The following ABCA6 variants were observed in gnomAD, a reference collection of about 807,000 sequenced individuals.
ABCA6 encodes ATP binding cassette subfamily A member 6.
A neutral mutation model predicts 191.2 loss-of-function variants in ABCA6; 164 were observed. The ratio of observed to expected loss-of-function variants is 0.86; its 90% CI spans 0.76 to 0.98. The LOEUF is 0.98. ABCA6 is among the 50% of genes least tolerant of loss of function. The probability of loss-of-function intolerance (pLI) is 0.00; values close to 1 mark genes in which losing one functional copy is unlikely to be tolerated. For synonymous variants in ABCA6, 636 were observed against 647.7 expected (o/e 0.98, Z 0.27); for missense variants, 1,958 against 1,894.1 (o/e 1.03, Z -0.63).
At chr17:69,133,488 C>T (rs1411158325) in intron 6 of ABCA6, among the ~76,000 whole-genome samples, 153 bp downstream of exon 6, 1 of 152,136 alleles carries the variant, frequency 6.6e-6, no homozygotes, top group African/African-American at 2.4e-5. Flanking sequence ...TTTTGCATGG[C>T]AAAATTTAAC....
rs754057303 is a variant in ABCA6 at position 69,087,372 on chromosome 17, G to T, written c.3800C>A (p.Thr1267Asn). ...TTTTACCTCATCTAAGATTGAAGTGGTCAGAGCAGTGGCTGTTCTTATTCT... is the reference window on the plus strand; with the variant it reads ...TTTTACCTCATCTAAGATTGAAGTGTTCAGAGCAGTGGCTGTTCTTATTCT... ...TERIRTATAL[T>N]TSILDEKPVI... is the part of the protein sequence containing the mutation. The change falls in exon 29 of 39, where the codon ACC (threonine) becomes AAC (asparagine). Residue 1267 changes from threonine to asparagine, a missense_variant. By Grantham distance (65) the Thr-to-Asn change is moderately conservative. Coordinates refer to ENST00000284425, the MANE Select transcript of ABCA6 (RefSeq NM_080284.3). The T allele has an allele frequency of 1.2e-6, 2 of 1,613,848 alleles. No individual in the cohort carries two copies. The highest frequency in any genetic ancestry group is 1.7e-6 in the Non-Finnish European group (2 of 1,179,838).
intron 26 of ABCA6, among the ~76,000 whole-genome samples, chr17:69,090,197 G>C (rs2072893858): frequency 6.6e-6 from 1 of 152,142 alleles, no homozygotes; most frequent in African/African-American, 2.4e-5. Flanking sequence ...TTTGCAAATG[G>C]AAGGCTTTTC....
chr17:69,086,751 G>T lies in ABCA6; in HGVS notation c.3820-16C>A. ...TAACAGGTTTCTAGAAGAGATGACA[G>T]CATGATTTTCCTCTTAAATTTCAGA... On this transcript the variant is annotated splice_polypyrimidine_tract_variant and intron_variant, in intron 29 of 38. Coordinates refer to ENST00000284425, the MANE Select transcript of ABCA6 (RefSeq NM_080284.3). 1.3e-6 allele frequency: 2 copies of T among 1,557,864 alleles called. No individual in the cohort carries two copies. Among genetic ancestry groups the T allele is most frequent in the East Asian group, 2.3e-5 (1 of 43,872 alleles).
At chr17:69,134,886 G>GTTTTTTTT (rs1454692425) in intron 4 of ABCA6, 144 bp from the exon 5 acceptor site, 5 of 127,100 alleles carry the variant, frequency 3.9e-5, no homozygotes, top group African/African-American at 2.5e-4. Flanking sequence ...TGTTGTGGTT[G>GTTTTTTTT]TCTTTTTTTT....
Position 69,123,276 on chromosome 17 carries a change from G to A in ABCA6, c.1399C>T (p.Pro467Ser), listed in dbSNP as rs1380094040. The change falls in exon 10 of 39, where the codon CCA (proline) becomes TCA (serine). Residue 467 changes from proline (P) to serine (S), a missense_variant. Transcript: ENST00000284425. The part of the protein sequence containing the change: ...AEHPSDDYFE[P>S]VAPEFQGKEA... ...TTTCCTTGGAATTCAGGAGCTACTG[G>A]TTCAAAATAATCATCAGAGGGATGC... 2.3e-5 allele frequency: 35 copies of A among 1,527,998 alleles called. No individual in the cohort carries two copies. Among genetic ancestry groups the A allele is most frequent in the Non-Finnish European group, 2.7e-5 (31 of 1,128,824 alleles). 94.7% of individuals were successfully genotyped at this position (1,527,998 alleles called of 1,614,324 possible).
Position 69,096,357 on chromosome 17 carries a change from A to G in ABCA6, c.3295-4T>C, listed in dbSNP as rs759285698. ...CATAACCAGGAGTAACTATAACCTG[A>G]GCATAAAAGAAATAATAACATAGTC... On this transcript the variant is annotated splice_polypyrimidine_tract_variant and splice_region_variant and intron_variant, in intron 24 of 38. Transcript: ENST00000284425. The G allele has an allele frequency of 7.2e-7, 1 of 1,384,944 alleles. No individual in the cohort carries two copies. Among genetic ancestry groups the G allele is most frequent in the Non-Finnish European group, 9.8e-7 (1 of 1,023,516 alleles). 85.8% of individuals were successfully genotyped at this position (1,384,944 alleles called of 1,614,324 possible). A position where few individuals can be genotyped will look rare whatever the true frequency, so the allele number is the denominator to read the frequency against.
intron 17 of ABCA6, chr17:69,110,398 T>C (rs1485871296): frequency 5.7e-6 from 1 of 176,368 alleles, no homozygotes; most frequent in Non-Finnish European, 1.2e-5. Context: ...ATGAGAAAGT[T>C]AATGCTCTCG....
intron 25 of ABCA6, among the ~76,000 whole-genome samples, chr17:69,095,686 CA>C (rs1385740225): frequency 6.6e-6 from 1 of 152,170 alleles, no homozygotes; most frequent in Non-Finnish European, 1.5e-5. Context: ...TCCAGACAGA[CA>C]TTCAATCACC....
chr17:69,139,754 A>G (rs1449940031), intron 2 of ABCA6, among the ~76,000 whole-genome samples: 1 of 152,116 alleles, frequency 6.6e-6, no homozygotes, highest in Non-Finnish European at 1.5e-5. Context: ...ACACCATGGA[A>G]TACTATGCAG....
chr17:69,115,363 TC>T lies in ABCA6; in HGVS notation c.1606+12del. ...TAAGACATCTTGCCTTTGAGAAATTTCTTTTTACTCACCTTCTGTTGGAACA... is the reference window on the plus strand; with the variant it reads ...TAAGACATCTTGCCTTTGAGAAATTTTTTTTACTCACCTTCTGTTGGAACA... On this transcript the variant is annotated intron_variant, in intron 12 of 38. Coordinates refer to ENST00000284425, the MANE Select transcript of ABCA6 (RefSeq NM_080284.3). The T allele has an allele frequency of 6.3e-7, 1 of 1,592,014 alleles. No homozygotes were observed. Among genetic ancestry groups the T allele is most frequent in the Non-Finnish European group, 8.6e-7 (1 of 1,166,600 alleles).
Position 69,113,572 on chromosome 17 carries a change from T to G in ABCA6, c.1902+46A>C, listed in dbSNP as rs746818082. 9.3e-6 allele frequency: 15 copies of G among 1,611,562 alleles called. No individual in the cohort carries two copies. In the Admixed American group the frequency reaches 2.3e-4, roughly 25 times the overall value. On this transcript the variant is annotated intron_variant, in intron 14 of 38. Transcript: ENST00000284425. Reference sequence around the variant, plus strand: ...TTAGTGGTAAAAGAACTTGACATTTTGCAGACATTCGACCTGCTTCCTTCC... The same window carrying G: ...TTAGTGGTAAAAGAACTTGACATTTGGCAGACATTCGACCTGCTTCCTTCC...
chr17:69,113,713 C>G lies in ABCA6; in HGVS notation c.1807G>C (p.Asp603His). ...AGGTTATCTTGAATGTTTTGCATGT[C>G]CAATTCCAATAATATTCGTTGTACC... ...QEVQRILLEL[D>H]MQNIQDNLAK... The change falls in exon 14 of 39, where the codon GAC (aspartate) becomes CAC (histidine). Residue 603 changes from aspartate (D) to histidine (H), a missense_variant. Asp to His is a moderately conservative substitution (Grantham distance 81). Coordinates refer to ENST00000284425, the MANE Select transcript of ABCA6 (RefSeq NM_080284.3). 6.2e-7 allele frequency: 1 copy of G among 1,612,390 alleles called. No individual in the cohort carries two copies. Among genetic ancestry groups the G allele is most frequent in the East Asian group, 2.2e-5 (1 of 44,768 alleles).
rs529827105 is a variant in ABCA6, at chr17:69,096,265, C to T, written c.3383G>A (p.Gly1128Asp). 16 of 1,506,616 alleles carry T rather than the reference C, an allele frequency of 1.1e-5. No individual in the cohort carries two copies. In the African/African-American group the frequency reaches 1.6e-4, roughly 15 times the overall value. The allele number at this position is 1,506,616 out of a possible 1,614,324, so 93.3% of individuals were successfully genotyped here. A position where few individuals can be genotyped will look rare whatever the true frequency, so the allele number is the denominator to read the frequency against. ...AAAAAAGAAGTAAAATGACCAAAGG[C>T]CACTGTTTTTTCTCCTTTTGCGAAA... ...FIFRKRRKNS[G>D]LWSFYFFFAS... The change falls in exon 25 of 39, where the codon GGC becomes GAC. Residue 1128 changes from glycine (G) to aspartate (D), a missense_variant. Transcript: ENST00000284425.
At chr17:69,090,261 C>A (rs2072895095) in intron 26 of ABCA6, among the ~76,000 whole-genome samples, 1 of 152,184 alleles carries the variant, frequency 6.6e-6, no homozygotes, top group Non-Finnish European at 1.5e-5. Context: ...TTCCTTAAAG[C>A]CATTTCATCC....
chr17:69,122,303 G>C (rs953442059), intron 10 of ABCA6, among the ~76,000 whole-genome samples: 1 of 151,972 alleles, frequency 6.6e-6, no homozygotes, highest in Non-Finnish European at 1.5e-5. Flanking sequence ...ATAAATAAAC[G>C]ATTGCTATTT....
chr17:69,093,257 A>G (rs1706195246), intron 25 of ABCA6, among the ~76,000 whole-genome samples: 1 of 152,230 alleles, frequency 6.6e-6, no homozygotes, highest in South Asian at 2.1e-4. Flanking sequence ...AAAAATAACA[A>G]TAGCTCATAG....
chr17:69,103,094 G>T, intron 20 of ABCA6, 126 bp from the exon 21 acceptor site: 1 of 568,302 alleles, frequency 1.8e-6, no homozygotes. Flanking sequence ...GTCTTTCTTT[G>T]GGTATCACAA....
Position 69,091,766 on chromosome 17 carries a change from C to T in ABCA6, c.3409-504G>A, listed in dbSNP as rs1371595068. Among the ~76,000 whole-genome samples the T allele has an allele frequency of 2.6e-4, 5 of 19,560 alleles. 2 individuals are homozygous for T. Among genetic ancestry groups the T allele is most frequent in the East Asian group, 1.9e-3 (5 of 2,660 alleles). The allele number at this position is 19,560 out of a possible 152,430, so 12.8% of individuals were successfully genotyped here. A position where few individuals can be genotyped will look rare whatever the true frequency, so the allele number is the denominator to read the frequency against. ...CTCGATCTCCTGACCTCGTGATCCG[C>T]CCGCCTCGGCCTCCCAAAGTGCTGG... is the stretch of plus-strand genomic sequence containing the variant. On this transcript the variant is annotated intron_variant, in intron 25 of 38. Coordinates refer to ENST00000284425, the MANE Select transcript of ABCA6 (RefSeq NM_080284.3).
At chr17:69,119,950 T>C (rs1388569844) in intron 10 of ABCA6, among the ~76,000 whole-genome samples, 1 of 152,080 alleles carries the variant, frequency 6.6e-6, no homozygotes, top group East Asian at 1.9e-4. Flanking sequence ...CATTAGCCCA[T>C]AGTTATCACT....
Sources: allele counts gnomAD v4.1 joint callset (sites outside exome capture counted in the v4.1 genomes callset), GRCh38; gene constraint gnomAD v4.1.1; transcripts MANE v1.5; gene names NCBI Gene and HGNC (gene_info 2026-07-23, HGNC 2026-07-21).